Variants in FHL2 observed in about 807,000 individuals in gnomAD.
The protein encoded by FHL2 is four and a half LIM domains 2.
In FHL2, 20 loss-of-function variants were observed where a neutral mutation model predicts 32.7. The ratio of observed to expected loss-of-function variants is 0.61; its 90% confidence interval spans 0.43 to 0.89. The LOEUF is 0.89. Ranked by LOEUF, FHL2 falls within the 40% of genes least tolerant of loss-of-function variation. FHL2 has a pLI of 0.00. For synonymous variants in FHL2, 123 were observed against 128.1 expected (o/e 0.96, Z 0.27); for missense variants, 311 against 358.6 (o/e 0.87, Z 1.07).
Position 105,360,879 on chromosome 2 carries a change from G to A in FHL2, c.*404C>T, listed in dbSNP as rs1379725875. On this transcript the variant is annotated 3_prime_UTR_variant, in exon 7 of 7. Coordinates refer to ENST00000530340, the MANE Select transcript of FHL2 (RefSeq NM_001318895.3). ...CACATAATCTTGGTTTAGACTTGAC[G>A]CAACGGGAGGTTACAGAGCTGTAAA... 2 of 157,778 alleles carry A rather than the reference G, an allele frequency of 1.3e-5. No individual in the cohort carries two copies. Among genetic ancestry groups the A allele is most frequent in the Non-Finnish European group, 2.8e-5 (2 of 71,706 alleles). The allele number at this position is 157,778 out of a possible 1,614,324, so 9.8% of individuals were successfully genotyped here. A position where few individuals can be genotyped will look rare whatever the true frequency, so the allele number is the denominator to read the frequency against.
At chr2:105,413,565 C>T (rs1307334325) in intron 1 of FHL2, among the ~76,000 whole-genome samples, 3 of 152,184 alleles carry the variant, frequency 2.0e-5, no homozygotes, top group Admixed American at 2.0e-4. Context: ...CCTCAAGTTC[C>T]TGGGCTCAGG....
At chr2:105,432,038 T>C (rs1684452462) in intron 1 of FHL2, among the ~76,000 whole-genome samples, 1 of 152,244 alleles carries the variant, frequency 6.6e-6, no homozygotes, top group Non-Finnish European at 1.5e-5. Context: ...CTTGCCACTA[T>C]GAGTTTCCAA....
At chr2:105,374,083 C>T (rs889033553) in intron 3 of FHL2, 8 of 314,212 alleles carry the variant, frequency 2.5e-5, no homozygotes, top group Admixed American at 1.8e-4. Flanking sequence ...ACACCACATC[C>T]GGTGACAGAG....
intron 6 of FHL2, among the ~76,000 whole-genome samples, chr2:105,362,814 A>G (rs1303804986): frequency 6.6e-6 from 1 of 152,226 alleles, no homozygotes; most frequent in African/African-American, 2.4e-5. Flanking sequence ...GGAATACAAT[A>G]TGAAAAACTC....
Position 105,386,363 on chromosome 2 carries a change from T to C in FHL2, c.154A>G (p.Lys52Glu), listed in dbSNP as rs752819256. The C allele has an allele frequency of 1.9e-6, 3 of 1,613,528 alleles. No individual in the cohort carries two copies. The highest frequency in any genetic ancestry group is 2.5e-6 in the Non-Finnish European group (3 of 1,179,890). The change falls in exon 3 of 7, where the codon AAG becomes GAG. Residue 52 changes from lysine (K) to glutamate (E), a missense_variant and splice_region_variant. Physicochemically the swap from Lys to Glu is moderately conservative, Grantham distance 56 (BLOSUM62 1). Transcript: ENST00000530340. ...CCGCAGAGGCCCGCAGCAGGTACCTTGCAGTCACAGCCGATGGGCTTCCCA... is the reference window on the plus strand; with the variant it reads ...CCGCAGAGGCCCGCAGCAGGTACCTCGCAGTCACAGCCGATGGGCTTCCCA... ...ECGKPIGCDC[K>E]DLSYKDRHWH...
At chr2:105,376,471 A>C (rs1681480880) in intron 3 of FHL2, 1 of 152,236 alleles carries the variant, frequency 6.6e-6, no homozygotes, top group Non-Finnish European at 1.5e-5. Context: ...AAATTGAACA[A>C]ATCATTAGAA....
intron 3 of FHL2, among the ~76,000 whole-genome samples, chr2:105,379,544 C>T (rs1681728267): frequency 6.6e-6 from 1 of 152,182 alleles, no homozygotes; most frequent in African/African-American, 2.4e-5. Flanking sequence ...TATAGATGAG[C>T]AGATTCAATG....
At chr2:105,363,605 TACAAACTTC>T in intron 5 of FHL2, 134 bp from the exon 6 acceptor site, 1 of 811,554 alleles carries the variant, frequency 1.2e-6, no homozygotes, top group Non-Finnish European at 1.9e-6. Flanking sequence ...GAAGCTGCTT[TACAAACTTC>T]ACAGTCACTC....
chr2:105,358,696 T>C (rs1680106921), downstream of FHL2: 1 of 152,268 alleles, frequency 6.6e-6, no homozygotes, highest in African/African-American at 2.4e-5. Flanking sequence ...GTGGTTTATA[T>C]ACAAGTAATT....
At chr2:105,422,201 T>A (rs1341366346) in intron 1 of FHL2, among the ~76,000 whole-genome samples, 1 of 152,238 alleles carries the variant, frequency 6.6e-6, no homozygotes, top group African/African-American at 2.4e-5. Flanking sequence ...TGCTTATGTT[T>A]GTAACTTGTT....
chr2:105,377,777 C>T lies in FHL2; in HGVS notation c.157-4044G>A, dbSNP rs1224739846. ...AAAAGCTGCAGAATGTTTTCCATGACCCAAGAGTCACTGTCTGGCTGGGAC... is the reference window on the plus strand; with the variant it reads ...AAAAGCTGCAGAATGTTTTCCATGATCCAAGAGTCACTGTCTGGCTGGGAC... On this transcript the variant is annotated intron_variant, in intron 3 of 6. Transcript: ENST00000530340. The T allele has an allele frequency of 9.6e-6, 3 of 311,390 alleles. No homozygotes were observed. In the Admixed American group the frequency reaches 1.3e-4, roughly 13 times the overall value. The allele number at this position is 311,390 out of a possible 1,614,324, so 19.3% of individuals were successfully genotyped here. A position where few individuals can be genotyped will look rare whatever the true frequency, so the allele number is the denominator to read the frequency against.
At chr2:105,398,179 G>T (rs1442573065) in intron 1 of FHL2, among the ~76,000 whole-genome samples, 3 of 152,132 alleles carry the variant, frequency 2.0e-5, no homozygotes, top group African/African-American at 7.2e-5. Context: ...AAACCCGACT[G>T]AGGATATGAA....
chr2:105,391,273 T>C (rs1012993923), intron 2 of FHL2, among the ~76,000 whole-genome samples: 1 of 152,138 alleles, frequency 6.6e-6, no homozygotes, highest in East Asian at 1.9e-4. Flanking sequence ...GGACTTGTTA[T>C]CTAGTGAGGA....
At chr2:105,408,015 TAAAC>T (rs887788861) in intron 1 of FHL2, among the ~76,000 whole-genome samples, 5 of 152,192 alleles carry the variant, frequency 3.3e-5, no homozygotes, top group African/African-American at 1.2e-4. Flanking sequence ...CATACAAAGT[TAAAC>T]AAAAATTCTG....
chr2:105,433,972 C>T (rs754648937), intron 1 of FHL2, among the ~76,000 whole-genome samples: 1 of 152,044 alleles, frequency 6.6e-6, no homozygotes, highest in Non-Finnish European at 1.5e-5. Flanking sequence ...CATTACCCAC[C>T]CCTCAACACA....
chr2:105,415,926 C>T (rs923995766), intron 1 of FHL2, among the ~76,000 whole-genome samples: 1 of 152,068 alleles, frequency 6.6e-6, no homozygotes, highest in Non-Finnish European at 1.5e-5. Context: ...GTGTTTTATA[C>T]AATAGGAATA....
intron 3 of FHL2, chr2:105,374,444 A>G (rs1681320992): frequency 6.5e-6 from 1 of 153,226 alleles, no homozygotes; most frequent in Non-Finnish European, 1.5e-5. Context: ...GTCTGTGTAG[A>G]GATTCCATTG....
chr2:105,390,390 C>T (rs549293558), intron 2 of FHL2, among the ~76,000 whole-genome samples: 1 of 152,308 alleles, frequency 6.6e-6, no homozygotes, highest in East Asian at 1.9e-4. Context: ...CCAGCAGGAA[C>T]AGTAGCAGCT....
chr2:105,404,212 C>T (rs547444648), upstream of FHL2, among the ~76,000 whole-genome samples: 9 of 152,318 alleles, frequency 5.9e-5, no homozygotes, highest in Non-Finnish European at 8.8e-5. Flanking sequence ...ATTTTGTCAC[C>T]GTTAAAGGAT....
Sources: allele counts gnomAD v4.1 joint callset (sites outside exome capture counted in the v4.1 genomes callset), GRCh38; gene constraint gnomAD v4.1.1; transcripts MANE v1.5; gene names NCBI Gene and HGNC (gene_info 2026-07-23, HGNC 2026-07-21).